SMAD3: variants seen among roughly 807,000 people sequenced by gnomAD.
SMAD3 encodes the protein SMAD family member 3, also known as MAD homolog 3.
SMAD3 carries 12 observed loss-of-function variants against 51.8 expected under a neutral mutation model. That is an observed-to-expected ratio of 0.23 (90% CI 0.15 to 0.38). The LOEUF is 0.38. Ranked by LOEUF, SMAD3 falls within the 10% of genes least tolerant of loss-of-function variation. The pLI is 1.00. For synonymous variants in SMAD3, 238 were observed against 227.7 expected (o/e 1.05, Z -0.41); for missense variants, 294 against 565.6 (o/e 0.52, Z 4.87).
At chr15:67,185,008 C>G (rs1246741502) in intron 7 of SMAD3, 144 bp downstream of exon 7, 4 of 1,083,628 alleles carry the variant, frequency 3.7e-6, no homozygotes, top group Admixed American at 3.9e-5. Flanking sequence ...TAGGTTTTCT[C>G]TATGCCCACA....
At chr15:67,078,056 C>A (rs1960208521) in intron 1 of SMAD3, 1 of 152,266 alleles carries the variant, frequency 6.6e-6, no homozygotes, top group Non-Finnish European at 1.5e-5. Flanking sequence ...GAGTCATAAT[C>A]CCTTACAGTA....
chr15:67,087,006 G>A (rs950444145), intron 1 of SMAD3, among the ~76,000 whole-genome samples: 17 of 151,086 alleles, frequency 1.1e-4, no homozygotes, highest in African/African-American at 3.4e-4. Flanking sequence ...AGCGATTCTC[G>A]TGCCTCAGAC....
intron 1 of SMAD3, among the ~76,000 whole-genome samples, chr15:67,087,798 A>C (rs1256889121): frequency 6.6e-6 from 1 of 152,218 alleles, no homozygotes; most frequent in Non-Finnish European, 1.5e-5. Context: ...GTGTTTAAAA[A>C]AAGACTTATA....
At chr15:67,131,409 C>T (rs1206244812) in intron 1 of SMAD3, among the ~76,000 whole-genome samples, 1 of 152,218 alleles carries the variant, frequency 6.6e-6, no homozygotes, top group Non-Finnish European at 1.5e-5. Context: ...AGGCATCGAG[C>T]TGTGTTCTCG....
intron 1 of SMAD3, among the ~76,000 whole-genome samples, chr15:67,101,655 TA>T (rs1159308393): frequency 2.0e-5 from 3 of 152,244 alleles, no homozygotes; most frequent in African/African-American, 7.2e-5. Context: ...AGTTCAGTTA[TA>T]CTCTCAGTAA....
chr15:67,149,380 G>A (rs532082587), intron 1 of SMAD3, among the ~76,000 whole-genome samples: 12 of 152,300 alleles, frequency 7.9e-5, no homozygotes, highest in African/African-American at 2.9e-4. Flanking sequence ...ATACCGGGGA[G>A]AGTTGTAAGT....
chr15:67,180,177 C>T (rs1963014003), intron 5 of SMAD3, among the ~76,000 whole-genome samples: 1 of 152,102 alleles, frequency 6.6e-6, no homozygotes, highest in African/African-American at 2.4e-5. Flanking sequence ...AAGAGGTTGG[C>T]CCAGGGCGCA....
intron 1 of SMAD3, among the ~76,000 whole-genome samples, chr15:67,097,798 G>A (rs1399330909): frequency 1.3e-5 from 2 of 152,162 alleles, no homozygotes; most frequent in Non-Finnish European, 2.9e-5. Flanking sequence ...AGGACCAAAA[G>A]TAGTATCCTC....
intron 6 of SMAD3, 84 bp from the exon 7 acceptor site, chr15:67,184,643 G>A (rs1963171114): frequency 2.0e-6 from 3 of 1,538,228 alleles, no homozygotes; most frequent in Non-Finnish European, 2.7e-6. Context: ...CTGCTGTTCT[G>A]CCTCCTTTGC....
At chr15:67,146,291 T>C (rs1197995913) in intron 1 of SMAD3, 1 of 152,254 alleles carries the variant, frequency 6.6e-6, no homozygotes, top group Non-Finnish European at 1.5e-5. Flanking sequence ...CCAAGTGCCT[T>C]GCACATAGTA....
At chr15:67,083,738 A>G (rs1566962451) in intron 1 of SMAD3, among the ~76,000 whole-genome samples, 1 of 152,208 alleles carries the variant, frequency 6.6e-6, no homozygotes, top group Non-Finnish European at 1.5e-5. Context: ...CATCCCTACA[A>G]TATCTGAAAT....
chr15:67,130,498 G>C (rs1961498808), intron 1 of SMAD3, among the ~76,000 whole-genome samples: 1 of 152,164 alleles, frequency 6.6e-6, no homozygotes, highest in Admixed American at 6.5e-5. Context: ...ACCCTATTGT[G>C]AACTGCATAT....
intron 1 of SMAD3, among the ~76,000 whole-genome samples, chr15:67,098,419 C>T (rs1460236479): frequency 1.3e-5 from 2 of 152,028 alleles, no homozygotes; most frequent in Non-Finnish European, 2.9e-5. Flanking sequence ...GAACCACAAT[C>T]GCAGGTTTCA....
At chr15:67,106,472 A>G (rs1960879140) in intron 1 of SMAD3, among the ~76,000 whole-genome samples, 1 of 151,782 alleles carries the variant, frequency 6.6e-6, no homozygotes, top group Non-Finnish European at 1.5e-5. Flanking sequence ...CCTCCCCTTC[A>G]TCTTAACTCT....
intron 1 of SMAD3, among the ~76,000 whole-genome samples, chr15:67,095,724 G>T (rs1038656565): frequency 6.6e-6 from 1 of 152,058 alleles, no homozygotes; most frequent in African/African-American, 2.4e-5. Flanking sequence ...TAGTAGACGT[G>T]GGGTTTCACC....
At chr15:67,147,529 C>T (rs1299966799) in intron 1 of SMAD3, among the ~76,000 whole-genome samples, 1 of 152,134 alleles carries the variant, frequency 6.6e-6, no homozygotes, top group Non-Finnish European at 1.5e-5. Context: ...AGTTTCCTCA[C>T]GTGTTCAGGG....
At chr15:67,187,876 C>T (rs931850999) in intron 8 of SMAD3, among the ~76,000 whole-genome samples, 2 of 152,178 alleles carry the variant, frequency 1.3e-5, no homozygotes, top group Admixed American at 1.3e-4. Context: ...GTGTCTAGAA[C>T]TCTGCCCTCT....
intron 1 of SMAD3, among the ~76,000 whole-genome samples, chr15:67,116,996 T>G (rs1027460477): frequency 1.3e-5 from 2 of 152,092 alleles, no homozygotes; most frequent in Non-Finnish European, 2.9e-5. Context: ...AGGAAGCCAT[T>G]CTGGACTACT....
At chr15:67,166,595 G>A (rs569595019) in intron 3 of SMAD3, 184 bp from the exon 4 acceptor site, 1 of 662,854 alleles carries the variant, frequency 1.5e-6, no homozygotes, top group East Asian at 2.7e-5. Flanking sequence ...ATCCAAGCGG[G>A]AGTCAGAGGT....
Sources: allele counts gnomAD v4.1 joint callset (sites outside exome capture counted in the v4.1 genomes callset), GRCh38; gene constraint gnomAD v4.1.1; transcripts MANE v1.5; gene names NCBI Gene and HGNC (gene_info 2026-07-23, HGNC 2026-07-21).